The following GASK1A variants were observed in gnomAD, a reference collection of about 807,000 sequenced individuals.
The protein encoded by GASK1A is Golgi-associated kinase 1A.
A neutral mutation model predicts 41.2 loss-of-function variants in GASK1A; 40 were observed. That is an observed-to-expected ratio of 0.97 (90% CI 0.75 to 1.27). GASK1A has a LOEUF of 1.27. Ranked by LOEUF, GASK1A falls within the 50% of genes most tolerant of loss-of-function variation. GASK1A has a pLI of 0.00. For missense variants in GASK1A, 678 were observed against 745.1 expected, an observed-to-expected ratio of 0.91 and a Z score of 1.05; for synonymous variants, 316 against 307.1, an observed-to-expected ratio of 1.03 and a Z score of -0.30.
chr3:43,044,676 T>A (rs1250046905), intron 2 of GASK1A, among the ~76,000 whole-genome samples: 2 of 152,220 alleles, frequency 1.3e-5, no homozygotes, highest in Non-Finnish European at 2.9e-5. Flanking sequence ...TGGCCCACAA[T>A]GCAGCCAAAT....
chr3:43,033,288 G>A lies in GASK1A; in HGVS notation c.1025G>A (p.Arg342Gln), dbSNP rs1171542378. The A allele has an allele frequency of 7.1e-6, 11 of 1,551,336 alleles. No homozygotes were observed. Among genetic ancestry groups the A allele is most frequent in the African/African-American group, 1.4e-5 (1 of 73,044 alleles). The change falls in exon 2 of 5, where the codon CGG becomes CAG. Residue 342 changes from arginine (R) to glutamine (Q), a missense_variant. Coordinates refer to ENST00000430121, the MANE Select transcript of GASK1A (RefSeq NM_001129908.3). Reference sequence around the variant, plus strand: ...GTAGATCGTGTGCTGGGGCTGCGCCGGAGCCTACCTGCTGTGGCCCGCCGC... The same window carrying A: ...GTAGATCGTGTGCTGGGGCTGCGCCAGAGCCTACCTGCTGTGGCCCGCCGC... Reference protein sequence around the residue: ...FHVDRVLGLRRSLPAVARRFH... With the variant: ...FHVDRVLGLRQSLPAVARRFH...
At chr3:43,038,398 C>G (rs1388157369) in intron 2 of GASK1A, among the ~76,000 whole-genome samples, 1 of 152,198 alleles carries the variant, frequency 6.6e-6, no homozygotes, top group Non-Finnish European at 1.5e-5. Context: ...TAGTCATTGA[C>G]TGATATTGCG....
chr3:43,006,541 T>C (rs115411090), intron 1 of GASK1A, among the ~76,000 whole-genome samples: 2 of 152,360 alleles, frequency 1.3e-5, no homozygotes, highest in African/African-American at 2.4e-5. Context: ...TCGGGTATTG[T>C]AGTAAAGAAG....
At chr3:43,010,187 A>T (rs1165830644) in intron 1 of GASK1A, among the ~76,000 whole-genome samples, 1 of 151,132 alleles carries the variant, frequency 6.6e-6, no homozygotes, top group Non-Finnish European at 1.5e-5. Context: ...TACCAGTCAC[A>T]TGTTGGGTTC....
At chr3:42,997,588 TCAGCTGCACCTGGAATAA>T in intron 1 of GASK1A, among the ~76,000 whole-genome samples, 1 of 152,186 alleles carries the variant, frequency 6.6e-6, no homozygotes, top group Non-Finnish European at 1.5e-5. Context: ...TCTTCCCTCC[TCAGCTGCACCTGGAATAA>T]CAGCTGCACA....
intron 1 of GASK1A, among the ~76,000 whole-genome samples, chr3:42,997,438 G>T (rs944163764): frequency 7.5e-6 from 1 of 132,530 alleles, no homozygotes; most frequent in Non-Finnish European, 1.6e-5. Context: ...GACAGAGAGA[G>T]GGGGGGGGGA....
chr3:43,050,808 G>C (rs573664028), intron 2 of GASK1A, among the ~76,000 whole-genome samples: 1 of 151,826 alleles, frequency 6.6e-6, no homozygotes, highest in Non-Finnish European at 1.5e-5. Context: ...GATCCTCTCA[G>C]TGAATTTTTA....
chr3:43,041,780 G>A lies in GASK1A; in HGVS notation c.1290+8227G>A, dbSNP rs568114434. On this transcript the variant is annotated intron_variant, in intron 2 of 4. Coordinates refer to ENST00000430121, the MANE Select transcript of GASK1A (RefSeq NM_001129908.3). ...TCATTACATTTGCTGGTGTCACAGAGCAATGGTAAATATTAATGGAATGAT... is the reference window on the plus strand; with the variant it reads ...TCATTACATTTGCTGGTGTCACAGAACAATGGTAAATATTAATGGAATGAT... Among the ~76,000 whole-genome samples, 21 of 152,314 alleles carry A rather than the reference G, an allele frequency of 1.4e-4. No homozygotes were observed. In the South Asian group the frequency reaches 3.9e-3, roughly 29 times the overall value.
chr3:43,032,762 G>A lies in GASK1A; in HGVS notation c.499G>A (p.Val167Met), dbSNP rs1328713589. The A allele has an allele frequency of 6.4e-7, 1 of 1,551,182 alleles. No individual in the cohort carries two copies. The highest frequency in any genetic ancestry group is 2.4e-5 in the East Asian group (1 of 40,912). The change falls in exon 2 of 5, where the codon GTG (valine) becomes ATG (methionine). Residue 167 changes from valine to methionine, a missense_variant. Val to Met is a conservative substitution (Grantham distance 21, BLOSUM62 1). Coordinates refer to ENST00000430121, the MANE Select transcript of GASK1A (RefSeq NM_001129908.3). Reference sequence around the variant, plus strand: ...TCCCATCCAGGAGACACAGAGTGAGGTGGTCACCCTGGTCAGTCCACTCCC... The same window carrying A: ...TCCCATCCAGGAGACACAGAGTGAGATGGTCACCCTGGTCAGTCCACTCCC... ...GSPIQETQSE[V>M]VTLVSPLPGS...
chr3:43,019,545 C>A, intron 1 of GASK1A, among the ~76,000 whole-genome samples: 1 of 152,200 alleles, frequency 6.6e-6, no homozygotes, highest in East Asian at 1.9e-4. Flanking sequence ...TTCCCTTTCA[C>A]CCCAGCCATA....
chr3:43,030,149 G>A (rs192414614), intron 1 of GASK1A, among the ~76,000 whole-genome samples: 18 of 152,322 alleles, frequency 1.2e-4, no homozygotes, highest in Admixed American at 4.6e-4. Flanking sequence ...AGGATTACAC[G>A]CATGCGCCAC....
At chr3:43,008,196 G>A (rs1182148718) in intron 1 of GASK1A, among the ~76,000 whole-genome samples, 1 of 152,234 alleles carries the variant, frequency 6.6e-6, no homozygotes, top group Non-Finnish European at 1.5e-5. Context: ...CCAATGTGAG[G>A]AATGATACCT....
intron 1 of GASK1A, 63 bp from the exon 2 acceptor site, chr3:43,032,204 T>C (rs192231016): frequency 7.7e-7 from 1 of 1,304,422 alleles, no homozygotes; most frequent in Non-Finnish European, 1.0e-6. Context: ...ATCCCCATTG[T>C]TTTGTGGGTT....
chr3:42,986,865 G>T (rs1220143379), intron 1 of GASK1A, among the ~76,000 whole-genome samples: 3 of 152,178 alleles, frequency 2.0e-5, no homozygotes, highest in African/African-American at 4.8e-5. Context: ...TTGGGCAGGA[G>T]AACCTCCAGC....
chr3:43,017,767 A>G (rs1182852233), intron 1 of GASK1A, among the ~76,000 whole-genome samples: 1 of 151,154 alleles, frequency 6.6e-6, no homozygotes, highest in East Asian at 2.0e-4. Flanking sequence ...CTGAAGCCAC[A>G]GGGAAGGGCA....
chr3:42,982,339 A>T (rs1343637667), intron 1 of GASK1A, among the ~76,000 whole-genome samples: 1 of 152,224 alleles, frequency 6.6e-6, no homozygotes, highest in Non-Finnish European at 1.5e-5. Flanking sequence ...ACTGCCAATT[A>T]AAAAATGTTT....
chr3:43,019,234 A>T (rs1251361921), intron 1 of GASK1A, among the ~76,000 whole-genome samples: 10 of 152,216 alleles, frequency 6.6e-5, no homozygotes, highest in Non-Finnish European at 1.5e-4. Flanking sequence ...GCTGATGTGT[A>T]AGGAAAAATC....
intron 2 of GASK1A, among the ~76,000 whole-genome samples, chr3:43,041,344 G>C (rs1205882569): frequency 2.6e-5 from 4 of 152,106 alleles, no homozygotes; most frequent in East Asian, 1.9e-4. Context: ...CCCACCAACA[G>C]TGTAAAAGTG....
chr3:43,053,488 C>T, intron 2 of GASK1A, 33 bp from the exon 3 acceptor site: 3 of 1,509,100 alleles, frequency 2.0e-6, no homozygotes, highest in Non-Finnish European at 2.7e-6. Context: ...AGGCCCCCTG[C>T]CGCACCCCAC....
Sources: allele counts gnomAD v4.1 joint callset (sites outside exome capture counted in the v4.1 genomes callset), GRCh38; gene constraint gnomAD v4.1.1; transcripts MANE v1.5; gene names NCBI Gene and HGNC (gene_info 2026-07-23, HGNC 2026-07-21).